Variants in MAP2K5 observed in about 807,000 individuals in gnomAD.
MAP2K5 encodes the protein mitogen-activated protein kinase kinase 5.
A neutral mutation model predicts 83.1 loss-of-function variants in MAP2K5; 49 were observed. That is an observed-to-expected ratio of 0.59 (90% CI 0.47 to 0.75). MAP2K5 has a LOEUF of 0.75. Among genes scored for constraint, MAP2K5 ranks in the 30% least tolerant of loss-of-function variants. The pLI is 0.00. For synonymous variants in MAP2K5, 202 were observed against 191.8 expected (o/e 1.05, Z -0.44); for missense variants, 457 against 557.5 (o/e 0.82, Z 1.82).
rs1165453511 is a variant in MAP2K5, at chr15:67,690,026, AT to A, written c.848-2445del. On this transcript the variant is annotated intron_variant, in intron 13 of 21. Coordinates refer to ENST00000178640, the MANE Select transcript of MAP2K5 (RefSeq NM_145160.3). The surrounding 1 kb of genome is among the most constrained non-coding windows in gnomAD (Gnocchi z 4.3). ...ATTATGGGATTTTTGTGTGTGTGCC[AT>A]TTTTTTTAAATCTCTTCAGCTATTG... is the stretch of plus-strand genomic sequence containing the variant. 6.6e-6 allele frequency among the ~76,000 whole-genome samples: 1 copy of A among 152,102 alleles called. No individual in the cohort carries two copies. Among genetic ancestry groups the A allele is most frequent in the African/African-American group, 2.4e-5 (1 of 41,480 alleles).
At chr15:67,732,453 C>T (rs976901488) in intron 17 of MAP2K5, among the ~76,000 whole-genome samples, 1 of 152,174 alleles carries the variant, frequency 6.6e-6, no homozygotes, top group Non-Finnish European at 1.5e-5. Flanking sequence ...AATACAGACA[C>T]AAATGTATTT....
intron 13 of MAP2K5, among the ~76,000 whole-genome samples, chr15:67,681,763 A>G (rs1194802085): frequency 6.6e-6 from 1 of 152,214 alleles, no homozygotes; most frequent in Non-Finnish European, 1.5e-5. Context: ...AGTGGTATGA[A>G]AAGGACCCAT....
chr15:67,549,311 C>CT, intron 1 of MAP2K5: 1 of 1,000,602 alleles, frequency 1.0e-6, no homozygotes, highest in Non-Finnish European at 1.5e-6. Flanking sequence ...ATTATATACC[C>CT]TTTTTAGATT....
At chr15:67,629,185 C>T (rs989073231) in intron 8 of MAP2K5, 26 of 677,914 alleles carry the variant, frequency 3.8e-5, no homozygotes, top group Non-Finnish European at 5.7e-5. Context: ...AGAGAAGTGA[C>T]GGGGAAGCTA....
intron 2 of MAP2K5, among the ~76,000 whole-genome samples, chr15:67,554,797 G>A (rs991634975): frequency 1.3e-5 from 2 of 152,208 alleles, no homozygotes; most frequent in Non-Finnish European, 2.9e-5. Context: ...CTTGTTGAAT[G>A]AGTGGAACGT....
At chr15:67,713,123 A>G (rs2088736858) in intron 16 of MAP2K5, among the ~76,000 whole-genome samples, 1 of 152,072 alleles carries the variant, frequency 6.6e-6, no homozygotes, top group African/African-American at 2.4e-5. Flanking sequence ...TAGTATTCCT[A>G]TAGAAAAAAA....
In MAP2K5 at chr15:67,724,045, T is replaced by C. The variant is rs1477216751; in HGVS notation, c.1045-3871T>C. Among the ~76,000 whole-genome samples, 1 of 152,342 alleles carries C rather than the reference T, an allele frequency of 6.6e-6. No individual in the cohort carries two copies. Among genetic ancestry groups the C allele is most frequent in the South Asian group, 2.1e-4 (1 of 4,834 alleles). On this transcript the variant is annotated intron_variant, in intron 16 of 21. Transcript: ENST00000178640. This position sits in a 1 kb window ranked among gnomAD's most constrained non-coding sequence, Gnocchi z 4.4. ...TAAACCAAACCACCCTCTTGAGTGC[T>C]GATTGCCTTGCCCGACCCCTAGTGA...
chr15:67,620,128 TG>T (rs2086147778), intron 8 of MAP2K5, among the ~76,000 whole-genome samples: 1 of 152,182 alleles, frequency 6.6e-6, no homozygotes, highest in African/African-American at 2.4e-5. Context: ...TCCCGCACTT[TG>T]GGAGGTTGAG....
Position 67,750,259 on chromosome 15 carries a change from C to T in MAP2K5, c.1134+1658C>T, listed in dbSNP as rs2089689754. Among the ~76,000 whole-genome samples the T allele has an allele frequency of 6.6e-6, 1 of 152,184 alleles. No homozygotes were observed. The highest frequency in any genetic ancestry group is 1.5e-5 in the Non-Finnish European group (1 of 68,024). ...AGTCAAGAGAAAAATGTAACTTAGACATATATTCCTGTTTACTCTAAAACC... is the reference window on the plus strand; with the variant it reads ...AGTCAAGAGAAAAATGTAACTTAGATATATATTCCTGTTTACTCTAAAACC... On this transcript the variant is annotated intron_variant, in intron 19 of 21. Transcript: ENST00000178640. The surrounding 1 kb of genome is among the most constrained non-coding windows in gnomAD (Gnocchi z 4.2).
chr15:67,787,513 A>C (rs990974995), intron 21 of MAP2K5, among the ~76,000 whole-genome samples: 2 of 151,920 alleles, frequency 1.3e-5, no homozygotes, highest in African/African-American at 4.8e-5. Context: ...TGTATCCTTC[A>C]CTCCTTCTTC....
rs1183239986 is a variant in MAP2K5 at position 67,747,683 on chromosome 15, G to A, written c.1075-548G>A. Among the ~76,000 whole-genome samples, 1 of 152,174 alleles carries A rather than the reference G, an allele frequency of 6.6e-6. No individual in the cohort carries two copies. The highest frequency in any genetic ancestry group is 1.5e-5 in the Non-Finnish European group (1 of 68,044). The stretch of plus-strand genomic sequence containing the variant: ...ATTGCTGCCCTGGAAACAGGCAGAA[G>A]GAACTTTGGAAAAGGTGGAGTTGTT... On this transcript the variant is annotated intron_variant, in intron 17 of 21. Transcript: ENST00000178640. The surrounding 1 kb of genome is among the most constrained non-coding windows in gnomAD (Gnocchi z 4.1).
In MAP2K5 at chr15:67,642,432, T is replaced by C; in HGVS notation, c.586-3799T>C. On this transcript the variant is annotated intron_variant, in intron 9 of 21. Transcript: ENST00000178640. ...CTGTTTTTAGGAGATGAGGGATGCA[T>C]GCTCAAGGCAGAATGTACATATTGA... 3.1e-6 allele frequency: 5 copies of C among 1,611,066 alleles called. No homozygotes were observed. The Admixed American group carries it at 5.0e-5, about 16-fold the overall frequency.
intron 13 of MAP2K5, among the ~76,000 whole-genome samples, chr15:67,664,990 C>T (rs1475228490): frequency 6.6e-6 from 1 of 152,150 alleles, no homozygotes; most frequent in East Asian, 1.9e-4. Flanking sequence ...ATTAACATTT[C>T]AGATAGCATC....
chr15:67,564,452 G>A (rs2084799944), intron 3 of MAP2K5, among the ~76,000 whole-genome samples: 1 of 152,134 alleles, frequency 6.6e-6, no homozygotes, highest in Non-Finnish European at 1.5e-5. Context: ...CTTCAGCCAG[G>A]ATATTGTTTC....
At chr15:67,754,824 G>A (rs1408537698) in intron 19 of MAP2K5, among the ~76,000 whole-genome samples, 1 of 152,182 alleles carries the variant, frequency 6.6e-6, no homozygotes, top group Non-Finnish European at 1.5e-5. Flanking sequence ...TCAAATGCAT[G>A]CCAAAAAGCG....
chr15:67,734,461 G>C (rs984149028), intron 17 of MAP2K5, among the ~76,000 whole-genome samples: 1 of 152,140 alleles, frequency 6.6e-6, no homozygotes, highest in Admixed American at 6.5e-5. Flanking sequence ...TTTCAGAATA[G>C]AGTAGAAAGC....
rs115011770 is a variant in MAP2K5 at position 67,786,859 on chromosome 15, C to T, written c.1242+14107C>T. On this transcript the variant is annotated intron_variant, in intron 21 of 21. Coordinates refer to ENST00000178640, the MANE Select transcript of MAP2K5 (RefSeq NM_145160.3). This position sits in a 1 kb window ranked among gnomAD's most constrained non-coding sequence, Gnocchi z 4.7. ...AAATAAGTGTTCAATAAATGGTAAC[C>T]ATTTTTATCGTCATTGTCATCATCA... Among the ~76,000 whole-genome samples, 462 of 152,278 alleles carry T rather than the reference C, an allele frequency of 3.0e-3. 3 individuals carry two copies. Among genetic ancestry groups the T allele is most frequent in the African/African-American group, 0.011 (455 of 41,550 alleles).
At chr15:67,617,235 C>G (rs1366629356) in intron 8 of MAP2K5, among the ~76,000 whole-genome samples, 1 of 152,116 alleles carries the variant, frequency 6.6e-6, no homozygotes, top group Non-Finnish European at 1.5e-5. Context: ...AGATTATAGG[C>G]CAGCCTCCCC....
At chr15:67,550,002 T>A in intron 1 of MAP2K5, 32 bp from the exon 2 acceptor site, 2 of 1,572,764 alleles carry the variant, frequency 1.3e-6, no homozygotes, top group Non-Finnish European at 8.8e-7. Flanking sequence ...AGAAGATGGC[T>A]AATTGTGTTT....
Sources: allele counts gnomAD v4.1 joint callset (sites outside exome capture counted in the v4.1 genomes callset), GRCh38; gene constraint gnomAD v4.1.1; non-coding constraint Gnocchi (gnomAD v3.1); transcripts MANE v1.5; gene names NCBI Gene and HGNC (gene_info 2026-07-23, HGNC 2026-07-21).